The following CSMD1 variants were observed in gnomAD, a reference collection of about 807,000 sequenced individuals.
The protein encoded by CSMD1 is CUB and Sushi multiple domains 1.
CSMD1 carries 213 observed loss-of-function variants against 417.5 expected under a neutral mutation model. That is an observed-to-expected ratio of 0.51 (90% CI 0.46 to 0.57). The LOEUF (loss-of-function observed/expected upper bound fraction) is 0.57, where lower values mean the gene tolerates loss of function less well. Among genes scored for constraint, CSMD1 ranks in the 20% least tolerant of loss-of-function variants. CSMD1 has a pLI of 0.00. For synonymous variants in CSMD1, 2,862 were observed against 1,736.8 expected (o/e 1.65, Z -16.11); for missense variants, 6,923 against 4,529.7 (o/e 1.53, Z -15.17).
chr8:4,070,372 T>C (rs923832726), intron 3 of CSMD1, among the ~76,000 whole-genome samples: 2 of 152,166 alleles, frequency 1.3e-5, no homozygotes, highest in African/African-American at 4.8e-5. Flanking sequence ...ACCTATAATG[T>C]TTTGAGACAG....
At chr8:4,922,434 T>C (rs960505333) in intron 1 of CSMD1, among the ~76,000 whole-genome samples, 4 of 152,220 alleles carry the variant, frequency 2.6e-5, no homozygotes, top group Non-Finnish European at 5.9e-5. Context: ...GGTCAAATGA[T>C]ATTTAGCAAT....
At chr8:4,747,457 A>G (rs1379739066) in intron 1 of CSMD1, among the ~76,000 whole-genome samples, 1 of 152,180 alleles carries the variant, frequency 6.6e-6, no homozygotes, top group Admixed American at 6.5e-5. Context: ...GAGAAAATTT[A>G]AGCAGGAAAG....
chr8:3,107,643 T>C, intron 45 of CSMD1, 75 bp downstream of exon 45: 1 of 823,776 alleles, frequency 1.2e-6, no homozygotes. Context: ...CTTGTCTGAG[T>C]AATGATTACA....
At chr8:3,903,945 T>C (rs1045873155) in intron 5 of CSMD1, among the ~76,000 whole-genome samples, 1 of 152,140 alleles carries the variant, frequency 6.6e-6, no homozygotes, top group Admixed American at 6.5e-5. Context: ...TATTTGTTTC[T>C]CATTTGGATT....
intron 1 of CSMD1, among the ~76,000 whole-genome samples, chr8:4,946,180 T>C (rs1350188074): frequency 6.6e-6 from 1 of 152,196 alleles, no homozygotes; most frequent in Non-Finnish European, 1.5e-5. Flanking sequence ...ATACTCCGTG[T>C]TGTTTTGGTC....
At chr8:3,628,768 G>C (rs1202135540) in intron 7 of CSMD1, among the ~76,000 whole-genome samples, 2 of 152,138 alleles carry the variant, frequency 1.3e-5, no homozygotes, top group African/African-American at 4.8e-5. Context: ...AGCGCCTACA[G>C]CCAAATTATT....
At chr8:3,239,832 CAG>C (rs1352537720) in intron 26 of CSMD1, among the ~76,000 whole-genome samples, 1 of 151,992 alleles carries the variant, frequency 6.6e-6, no homozygotes, top group African/African-American at 2.4e-5. Context: ...TCAGATGGAT[CAG>C]AGAGTTATAG....
intron 12 of CSMD1, among the ~76,000 whole-genome samples, chr8:3,416,139 A>C (rs1379975647): frequency 6.9e-6 from 1 of 145,884 alleles, no homozygotes; most frequent in South Asian, 2.3e-4. Flanking sequence ...GTCTCTACTA[A>C]AAATACAAAA....
chr8:3,719,301 C>T (rs190800753), intron 6 of CSMD1, among the ~76,000 whole-genome samples: 10 of 152,246 alleles, frequency 6.6e-5, no homozygotes, highest in Admixed American at 3.9e-4. Flanking sequence ...GCCCTAGAGG[C>T]CCAGATAGCT....
At chr8:4,056,010 T>C (rs186975157) in intron 3 of CSMD1, among the ~76,000 whole-genome samples, 1 of 151,862 alleles carries the variant, frequency 6.6e-6, no homozygotes. Flanking sequence ...AAAATTGTAG[T>C]CTACACAGAT....
chr8:3,742,081 G>A (rs1287799778), intron 6 of CSMD1, among the ~76,000 whole-genome samples: 1 of 150,930 alleles, frequency 6.6e-6, no homozygotes, highest in African/African-American at 2.4e-5. Flanking sequence ...CTCACATCCT[G>A]GTGCACCTGG....
At chr8:3,500,203 C>G (rs1376803440) in intron 10 of CSMD1, among the ~76,000 whole-genome samples, 2 of 152,132 alleles carry the variant, frequency 1.3e-5, no homozygotes, top group African/African-American at 4.8e-5. Context: ...TGCTTCAGTA[C>G]AGTGTTCTCC....
At chr8:4,902,089 G>T (rs1338657412) in intron 1 of CSMD1, among the ~76,000 whole-genome samples, 1 of 151,964 alleles carries the variant, frequency 6.6e-6, no homozygotes, top group Non-Finnish European at 1.5e-5. Flanking sequence ...TATATTTGTT[G>T]ATTTTCATCT....
chr8:3,360,513 T>C (rs538672093), intron 20 of CSMD1, among the ~76,000 whole-genome samples: 2 of 152,356 alleles, frequency 1.3e-5, no homozygotes, highest in East Asian at 3.9e-4. Context: ...CAGTCTGTAA[T>C]GCCCAGTTTT....
chr8:4,524,697 G>C (rs1357049468), intron 2 of CSMD1, among the ~76,000 whole-genome samples: 3 of 151,296 alleles, frequency 2.0e-5, no homozygotes, highest in East Asian at 3.9e-4. Flanking sequence ...TACGCCCAGA[G>C]TTTTTAAAAC....
chr8:4,407,062 G>A lies in CSMD1; in HGVS notation c.415+12891C>T, dbSNP rs73512711. 5.3e-3 allele frequency among the ~76,000 whole-genome samples: 808 copies of A among 152,258 alleles called. 4 individuals are homozygous for A. The highest frequency in any genetic ancestry group is 0.019 in the African/African-American group (780 of 41,562). ...TAAAGATTTATTGAAACACGGCCAA[G>A]GTCACTCAAGTATTGTCTATGGCGC... On this transcript the variant is annotated intron_variant, in intron 3 of 69. Transcript: ENST00000635120.
chr8:4,201,886 T>TTG (rs1239805246), intron 3 of CSMD1, among the ~76,000 whole-genome samples: 11 of 28,196 alleles, frequency 3.9e-4, no homozygotes, highest in African/African-American at 7.4e-4. Flanking sequence ...CATGGAAATT[T>TTG]TGGGGGGGGG....
At chr8:4,051,591 T>G (rs1300748359) in intron 3 of CSMD1, among the ~76,000 whole-genome samples, 1 of 152,160 alleles carries the variant, frequency 6.6e-6, no homozygotes, top group East Asian at 1.9e-4. Flanking sequence ...TCCTCAGAAG[T>G]GCTAAGTGCA....
At position 4,279,260 on chromosome 8, in the gene CSMD1, G is replaced by C. The variant is rs553298286; in HGVS notation, c.415+140693C>G. On this transcript the variant is annotated intron_variant, in intron 3 of 69. Transcript: ENST00000635120. ...GGCACAAGTGTGCAAGCCACATTTT[G>C]AAACACTTATATTTAGTGTAAAAAG... Among the ~76,000 whole-genome samples the C allele has an allele frequency of 1.4e-3, 218 of 152,228 alleles. 1 individual carries two copies. The highest frequency in any genetic ancestry group is 2.6e-3 in the Non-Finnish European group (177 of 68,022).
Sources: allele counts gnomAD v4.1 joint callset (sites outside exome capture counted in the v4.1 genomes callset), GRCh38; gene constraint gnomAD v4.1.1; transcripts MANE v1.5; gene names NCBI Gene and HGNC (gene_info 2026-07-23, HGNC 2026-07-21).